The following ATL3 variants were observed in gnomAD, a reference collection of about 807,000 sequenced individuals.
The protein encoded by ATL3 is atlastin-3.
In ATL3, 49 loss-of-function variants were observed where a neutral mutation model predicts 69.5. The ratio of observed to expected loss-of-function variants is 0.71; its 90% confidence interval spans 0.56 to 0.89. The LOEUF is 0.89. ATL3 is among the 40% of genes least tolerant of loss of function. ATL3 has a pLI of 0.00. For missense variants in ATL3, 606 were observed against 645.7 expected (o/e 0.94, Z 0.67); for synonymous variants, 214 against 224.1 (o/e 0.95, Z 0.40).
intron 5 of ATL3, among the ~76,000 whole-genome samples, chr11:63,650,168 T>G (rs191525325): frequency 6.6e-6 from 1 of 152,306 alleles, no homozygotes; most frequent in East Asian, 1.9e-4. Context: ...ATTCTCATTC[T>G]AAATGAGATA....
rs945853068 is a variant in ATL3 at position 63,671,202 on chromosome 11, C to T, written c.46+88G>A. 6.2e-6 allele frequency: 9 copies of T among 1,457,482 alleles called. No individual in the cohort carries two copies. In the East Asian group the frequency reaches 2.3e-4, roughly 38 times the overall value. The allele number at this position is 1,457,482 out of a possible 1,614,324, so 90.3% of individuals were successfully genotyped here. ...CCAGCCCCGGGACGAGGAAGGGCGG[C>T]GGCGCGGGCGGGGGTTCTTTTCAGA... On this transcript the variant is annotated intron_variant, in intron 1 of 12. Transcript: ENST00000398868.
rs1002596352 is a variant in ATL3 at position 63,659,229 on chromosome 11, G to T, written c.70C>A (p.Pro24Thr). ...GADDAMESSK[P>T]GPVQVVLVQK... ...ACCAAAACAACCTGCACTGGACCAG[G>T]CTTGCTGCTCTCCATGGCATCATCT... Residue 24 changes from proline to threonine, a missense_variant, in exon 2 of 13, where the codon CCT (proline) becomes ACT (threonine). Transcript: ENST00000398868. 3 of 1,613,926 alleles carry T rather than the reference G, an allele frequency of 1.9e-6. No homozygotes were observed. The highest frequency in any genetic ancestry group is 1.3e-5 in the African/African-American group (1 of 74,884).
At chr11:63,637,036 T>C (rs913390057) in intron 8 of ATL3, among the ~76,000 whole-genome samples, 6 of 152,140 alleles carry the variant, frequency 3.9e-5, no homozygotes, top group African/African-American at 1.4e-4. Flanking sequence ...CCCAGCACTT[T>C]GGGAGGTCAA....
At chr11:63,659,363 A>G in intron 1 of ATL3, 111 bp from the exon 2 acceptor site, 1 of 837,740 alleles carries the variant, frequency 1.2e-6, no homozygotes, top group Middle Eastern at 2.6e-4. Context: ...TCAATGGCTC[A>G]TGCCTATAAT....
chr11:63,645,556 GAGAGAGAC>G (rs1004210210), intron 6 of ATL3, among the ~76,000 whole-genome samples: 7 of 151,850 alleles, frequency 4.6e-5, no homozygotes, highest in African/African-American at 1.7e-4. Context: ...GAGAGAGAGA[GAGAGAGAC>G]AGAGAGAGAC....
chr11:63,632,178 T>C (rs1939343007), intron 11 of ATL3: 3 of 507,340 alleles, frequency 5.9e-6, no homozygotes, highest in Non-Finnish European at 7.5e-6. Context: ...AAATGAATTA[T>C]AGAACAGATC....
intron 6 of ATL3, among the ~76,000 whole-genome samples, chr11:63,644,955 G>A (rs1033294274): frequency 2.6e-5 from 4 of 152,198 alleles, no homozygotes; most frequent in Non-Finnish European, 2.9e-5. Context: ...AGTGGCTCAC[G>A]CCTGTATCCC....
chr11:63,628,231 G>T lies in ATL3; in HGVS notation c.*1088C>A, dbSNP rs1291703779. On this transcript the variant is annotated 3_prime_UTR_variant, in exon 13 of 13. Coordinates refer to ENST00000398868, the MANE Select transcript of ATL3 (RefSeq NM_015459.5). ...TTCATTTAAACTTAGCTTTTTTCTT[G>T]AAGTATCTAGCGCATTCCTTTTATT... is the stretch of plus-strand genomic sequence containing the variant. 6.6e-6 allele frequency: 1 copy of T among 151,332 alleles called. No homozygotes were observed. Among genetic ancestry groups the T allele is most frequent in the Non-Finnish European group, 1.5e-5 (1 of 67,916 alleles). The allele number at this position is 151,332 out of a possible 1,614,324, so 9.4% of individuals were successfully genotyped here. A position where few individuals can be genotyped will look rare whatever the true frequency, so the allele number is the denominator to read the frequency against.
At chr11:63,653,631 C>A (rs1482652496) in intron 3 of ATL3, among the ~76,000 whole-genome samples, 2 of 152,104 alleles carry the variant, frequency 1.3e-5, no homozygotes, top group African/African-American at 4.8e-5. Context: ...AAACTGGTGC[C>A]TTCATAATGT....
At chr11:63,661,054 A>G (rs1222036481) in intron 1 of ATL3, among the ~76,000 whole-genome samples, 1 of 151,614 alleles carries the variant, frequency 6.6e-6, no homozygotes, top group East Asian at 1.9e-4. Context: ...TCTCTATAAA[A>G]ATACAGAAAA....
chr11:63,648,074 G>A (rs768955894), intron 5 of ATL3, among the ~76,000 whole-genome samples: 2 of 152,120 alleles, frequency 1.3e-5, no homozygotes, highest in Non-Finnish European at 2.9e-5. Context: ...TCTAACTGCC[G>A]TATTTTTCCT....
At position 63,659,209 on chromosome 11, in the gene ATL3, A is replaced by G; in HGVS notation, c.90T>C (p.Val30=). 1 of 1,614,142 alleles carries G rather than the reference A, an allele frequency of 6.2e-7. No homozygotes were observed. The highest frequency in any genetic ancestry group is 8.5e-7 in the Non-Finnish European group (1 of 1,180,032). ...AGGAATGTTGATCTTTCTGAACCAAAACAACCTGCACTGGACCAGGCTTGC... is the reference window on the plus strand; with the variant it reads ...AGGAATGTTGATCTTTCTGAACCAAGACAACCTGCACTGGACCAGGCTTGC... The part of the protein sequence containing the change: ...ESSKPGPVQV[V]LVQKDQHSFE... Residue 30 remains valine (V), a synonymous_variant, in exon 2 of 13, where the codon GTT becomes GTC. Coordinates refer to ENST00000398868, the MANE Select transcript of ATL3 (RefSeq NM_015459.5).
At chr11:63,652,386 G>T in intron 4 of ATL3, 85 bp downstream of exon 4, 2 of 842,894 alleles carry the variant, frequency 2.4e-6, no homozygotes, top group Non-Finnish European at 1.8e-6. Context: ...TAGAAATTCT[G>T]TTAACAGAAC....
chr11:63,626,364 G>A lies in ATL3; in HGVS notation c.*2955C>T, dbSNP rs1939112560. On this transcript the variant is annotated 3_prime_UTR_variant, in exon 13 of 13. Coordinates refer to ENST00000398868, the MANE Select transcript of ATL3 (RefSeq NM_015459.5). ...ACTGCACTCCAACCTGGGCGACAGA[G>A]CGAGACCTCTGTCTCAAAAAATAAA... The A allele has an allele frequency of 6.6e-6, 1 of 152,180 alleles. No individual in the cohort carries two copies. Among genetic ancestry groups the A allele is most frequent in the Admixed American group, 6.5e-5 (1 of 15,274 alleles). The allele number at this position is 152,180 out of a possible 1,614,324, so 9.4% of individuals were successfully genotyped here. A position where few individuals can be genotyped will look rare whatever the true frequency, so the allele number is the denominator to read the frequency against.
chr11:63,637,106 G>A (rs1338477563), intron 8 of ATL3, among the ~76,000 whole-genome samples: 2 of 151,938 alleles, frequency 1.3e-5, no homozygotes, highest in African/African-American at 2.4e-5. Flanking sequence ...GTGAAACCCC[G>A]TCTCTACTAA....
chr11:63,630,362 G>A (rs1204800450), intron 12 of ATL3, among the ~76,000 whole-genome samples: 1 of 149,970 alleles, frequency 6.7e-6, no homozygotes, highest in African/African-American at 2.5e-5. Context: ...AGTGGGCAGA[G>A]GTTGCAGTGA....
chr11:63,643,677 T>G (rs1053222431), intron 7 of ATL3, among the ~76,000 whole-genome samples, 182 bp from the exon 8 acceptor site: 6 of 152,140 alleles, frequency 3.9e-5, no homozygotes, highest in African/African-American at 1.2e-4. Flanking sequence ...ACGGCTTGAC[T>G]CCTATAGCTA....
intron 1 of ATL3, among the ~76,000 whole-genome samples, chr11:63,664,631 T>A (rs971332809): frequency 6.6e-6 from 1 of 151,598 alleles, no homozygotes; most frequent in Non-Finnish European, 1.5e-5. Context: ...TTTTTTTGTT[T>A]TTTTTTTTTG....
Position 63,630,930 on chromosome 11 carries a change from C to G in ATL3, c.1539+110G>C. 4 of 1,009,288 alleles carry G rather than the reference C, an allele frequency of 4.0e-6. No homozygotes were observed. In the South Asian group the frequency reaches 6.7e-5, roughly 17 times the overall value. 62.5% of individuals were successfully genotyped at this position (1,009,288 alleles called of 1,614,324 possible). ...AGAAAACAACAGCCAACGGAGTGGCCACTGTCTCATGTCTTCACTATGAAA... is the reference window on the plus strand; with the variant it reads ...AGAAAACAACAGCCAACGGAGTGGCGACTGTCTCATGTCTTCACTATGAAA... On this transcript the variant is annotated intron_variant, in intron 12 of 12. Coordinates refer to ENST00000398868, the MANE Select transcript of ATL3 (RefSeq NM_015459.5).
Sources: allele counts gnomAD v4.1 joint callset (sites outside exome capture counted in the v4.1 genomes callset), GRCh38; gene constraint gnomAD v4.1.1; transcripts MANE v1.5; gene names NCBI Gene and HGNC (gene_info 2026-07-23, HGNC 2026-07-21).